Variants in RNF152 observed in about 807,000 individuals in gnomAD.
RNF152 encodes the protein E3 ubiquitin-protein ligase RNF152.
Under a neutral mutation model 12.7 loss-of-function variants are expected in RNF152, and 11 were observed. That is an observed-to-expected ratio of 0.86 (90% confidence interval 0.54 to 1.43). RNF152 has a LOEUF of 1.43. Ranked by LOEUF, RNF152 falls within the 40% of genes most tolerant of loss-of-function variation. The pLI, the probability that RNF152 is intolerant of heterozygous loss-of-function variation, is 0.00. For synonymous variants in RNF152, 113 were observed against 120.3 expected (o/e 0.94, Z 0.40); for missense variants, 255 against 274.8 (o/e 0.93, Z 0.51).
chr18:61,884,062 G>T (rs1912582912), intron 1 of RNF152, among the ~76,000 whole-genome samples: 1 of 152,146 alleles, frequency 6.6e-6, no homozygotes, highest in Non-Finnish European at 1.5e-5. Flanking sequence ...GATATTTCCA[G>T]AACTGAGCCC....
chr18:61,888,052 G>C (rs2144772231), intron 1 of RNF152: 1 of 152,348 alleles, frequency 6.6e-6, no homozygotes, highest in East Asian at 1.9e-4. Context: ...GTTTGAGTAA[G>C]TTTCATCATG....
chr18:61,820,314 G>C (rs1909328502), intron 1 of RNF152, among the ~76,000 whole-genome samples: 1 of 102,408 alleles, frequency 9.8e-6, no homozygotes, highest in Non-Finnish European at 1.8e-5. Context: ...GGGTGACAGA[G>C]AGAGACTCCG....
intron 1 of RNF152, among the ~76,000 whole-genome samples, chr18:61,860,439 C>T (rs1160007480): frequency 1.3e-4 from 20 of 152,204 alleles, no homozygotes; most frequent in Non-Finnish European, 1.2e-4. Context: ...TATAATGGAG[C>T]TGGAAAATTC....
chr18:61,862,803 C>A (rs1911550825), intron 1 of RNF152, among the ~76,000 whole-genome samples: 1 of 152,190 alleles, frequency 6.6e-6, no homozygotes, highest in African/African-American at 2.4e-5. Context: ...GGGACCCCAA[C>A]TTGAAGCTGG....
At chr18:61,844,373 C>G (rs1178040260) in intron 1 of RNF152, among the ~76,000 whole-genome samples, 1 of 152,192 alleles carries the variant, frequency 6.6e-6, no homozygotes, top group Non-Finnish European at 1.5e-5. Context: ...TTTATAAAAT[C>G]TCACACAACA....
At position 61,816,094 on chromosome 18, in the gene RNF152, C is replaced by T. The variant is rs769359464; in HGVS notation, c.370G>A (p.Gly124Arg). 6.8e-6 allele frequency: 11 copies of T among 1,614,062 alleles called. No homozygotes were observed. Among genetic ancestry groups the T allele is most frequent in the African/African-American group, 4.0e-5 (3 of 74,956 alleles). Reference sequence around the variant, plus strand: ...ACGGTGACGGACTTCTGCTGGCTCCCGGGCAGCAGGCGGCAGCCCATGTCT... The same window carrying T: ...ACGGTGACGGACTTCTGCTGGCTCCTGGGCAGCAGGCGGCAGCCCATGTCT... ...PGDMGCRLLP[G>R]SQQKSVTVVT... Residue 124 changes from glycine (G) to arginine (R), a missense_variant, in exon 2 of 2, where the codon GGG becomes AGG. Coordinates refer to ENST00000312828, the MANE Select transcript of RNF152 (RefSeq NM_173557.3).
chr18:61,893,968 C>G (rs1913096116), upstream of RNF152, among the ~76,000 whole-genome samples: 1 of 151,620 alleles, frequency 6.6e-6, no homozygotes. Context: ...CGGGACCCTG[C>G]GGCCCCGCCA....
chr18:61,867,495 G>T (rs1911791958), intron 1 of RNF152, among the ~76,000 whole-genome samples: 1 of 151,814 alleles, frequency 6.6e-6, no homozygotes, highest in African/African-American at 2.4e-5. Flanking sequence ...AGCTCAGTCT[G>T]GTTTTTATAG....
intron 1 of RNF152, among the ~76,000 whole-genome samples, chr18:61,845,619 G>A (rs940491804): frequency 1.3e-5 from 2 of 152,118 alleles, no homozygotes; most frequent in African/African-American, 4.8e-5. Context: ...TTAAGACATC[G>A]AAGGGTTTAT....
At chr18:61,846,309 T>C (rs1347518361) in intron 1 of RNF152, among the ~76,000 whole-genome samples, 1 of 152,202 alleles carries the variant, frequency 6.6e-6, no homozygotes, top group African/African-American at 2.4e-5. Context: ...CATGGTGTCA[T>C]GTAATAAAAA....
chr18:61,863,612 TTC>T (rs1221729795), intron 1 of RNF152, among the ~76,000 whole-genome samples: 2 of 152,198 alleles, frequency 1.3e-5, no homozygotes, highest in African/African-American at 2.4e-5. Flanking sequence ...AGCTTTTGCA[TTC>T]TGTCTCCTTT....
intron 1 of RNF152, among the ~76,000 whole-genome samples, chr18:61,858,138 G>C (rs932511702): frequency 6.6e-6 from 1 of 152,170 alleles, no homozygotes; most frequent in Non-Finnish European, 1.5e-5. Flanking sequence ...AAACTTAGTA[G>C]AGACATTTAG....
intron 1 of RNF152, among the ~76,000 whole-genome samples, chr18:61,837,566 T>A (rs1910243872): frequency 1.3e-5 from 2 of 152,206 alleles, no homozygotes; most frequent in Non-Finnish European, 2.9e-5. Flanking sequence ...TTTCAAAGTA[T>A]TTTTTTAATT....
intron 1 of RNF152, among the ~76,000 whole-genome samples, chr18:61,818,522 C>T (rs984238111): frequency 6.6e-6 from 1 of 151,988 alleles, no homozygotes; most frequent in African/African-American, 2.4e-5. Context: ...AAAAGATCAA[C>T]ATACTTTAAA....
chr18:61,878,656 C>T (rs564497541), intron 1 of RNF152, among the ~76,000 whole-genome samples: 10 of 152,332 alleles, frequency 6.6e-5, no homozygotes, highest in African/African-American at 1.7e-4. Flanking sequence ...TCCAAGACCA[C>T]GGCACCAGTG....
At chr18:61,865,631 T>C (rs915666979) in intron 1 of RNF152, among the ~76,000 whole-genome samples, 2 of 152,168 alleles carry the variant, frequency 1.3e-5, no homozygotes, top group Non-Finnish European at 2.9e-5. Context: ...TTCCATCCCG[T>C]TGTGGAATTT....
intron 1 of RNF152, among the ~76,000 whole-genome samples, chr18:61,875,849 C>A (rs1013278816): frequency 6.6e-6 from 1 of 152,094 alleles, no homozygotes; most frequent in African/African-American, 2.4e-5. Context: ...GGACCTCCCC[C>A]ACCCACCTCC....
chr18:61,886,749 G>A (rs1230160772), intron 1 of RNF152, among the ~76,000 whole-genome samples: 1 of 152,210 alleles, frequency 6.6e-6, no homozygotes, highest in African/African-American at 2.4e-5. Flanking sequence ...AAACAAGCTT[G>A]AGTGAATTTC....
intron 1 of RNF152, among the ~76,000 whole-genome samples, chr18:61,850,284 T>C (rs1568278702): frequency 1.3e-5 from 2 of 152,246 alleles, no homozygotes; most frequent in African/African-American, 4.8e-5. Context: ...AAATGAGAAA[T>C]GTGTGCAAAG....
Sources: allele counts gnomAD v4.1 joint callset (sites outside exome capture counted in the v4.1 genomes callset), GRCh38; gene constraint gnomAD v4.1.1; transcripts MANE v1.5; gene names NCBI Gene and HGNC (gene_info 2026-07-23, HGNC 2026-07-21).